The following TGM2 variants were observed in gnomAD, a reference collection of about 807,000 sequenced individuals.
The protein encoded by TGM2 is protein-glutamine gamma-glutamyltransferase 2.
A neutral mutation model predicts 75.6 loss-of-function variants in TGM2; 53 were observed. The observed-to-expected ratio is 0.70, with a 90% CI of 0.56 to 0.88. The LOEUF is 0.88. Ranked by LOEUF, TGM2 falls within the 40% of genes least tolerant of loss-of-function variation. The probability of loss-of-function intolerance (pLI) is 0.00; values close to 1 mark genes in which losing one functional copy is unlikely to be tolerated. For missense variants in TGM2, 842 were observed against 928.5 expected (o/e 0.91, Z 1.21); for synonymous variants, 374 against 381.1 (o/e 0.98, Z 0.22).
At position 38,127,958 on chromosome 20, in the gene TGM2, C is replaced by G. The variant is rs75112909; in HGVS notation, c.*2261G>C. The G allele has an allele frequency of 3.9e-5, 6 of 152,010 alleles. No homozygotes were observed. Among genetic ancestry groups the G allele is most frequent in the Non-Finnish European group, 7.4e-5 (5 of 68,010 alleles). 9.4% of individuals were successfully genotyped at this position (152,010 alleles called of 1,614,324 possible). A position where few individuals can be genotyped will look rare whatever the true frequency, so the allele number is the denominator to read the frequency against. ...CATTTATTAGTGTATTTAAGAGATA[C>G]GTGGTCCCTGCCTCGAGGGCTTCAG... On this transcript the variant is annotated 3_prime_UTR_variant, in exon 13 of 13. Coordinates refer to ENST00000361475, the MANE Select transcript of TGM2 (RefSeq NM_004613.4).
At chr20:38,132,876 G>A (rs960440537) in intron 10 of TGM2, 1 of 460,586 alleles carries the variant, frequency 2.2e-6, no homozygotes, top group African/African-American at 2.0e-5. Context: ...GGAAGAGCCT[G>A]GTGCGCTCGG....
At chr20:38,161,746 C>CCCCGTGTGACCAGGG in intron 1 of TGM2, 147 bp from the exon 2 acceptor site, 1 of 937,056 alleles carries the variant, frequency 1.1e-6, no homozygotes, top group Non-Finnish European at 1.7e-6. Flanking sequence ...TCTCCCCAGC[C>CCCCGTGTGACCAGGG]CTGGTCACAC....
intron 1 of TGM2, among the ~76,000 whole-genome samples, chr20:38,164,503 A>T (rs763463719): frequency 6.6e-6 from 1 of 152,204 alleles, no homozygotes; most frequent in Non-Finnish European, 1.5e-5. Flanking sequence ...CGTTCCTCAC[A>T]GATGCACCAA....
At chr20:38,152,350 A>T (rs2268911) in intron 3 of TGM2, among the ~76,000 whole-genome samples, 20,211 of 152,196 alleles carry the variant, frequency 0.13, 1,690 homozygotes, top group East Asian at 0.44. Context: ...AATGGGAAAG[A>T]GGCCAAGTCT....
intron 9 of TGM2, among the ~76,000 whole-genome samples, chr20:38,138,671 G>A (rs1428315963): frequency 6.6e-6 from 1 of 152,176 alleles, no homozygotes; most frequent in Non-Finnish European, 1.5e-5. Flanking sequence ...ACCTTCTTGA[G>A]CTGCTCGAGG....
chr20:38,156,543 T>C (rs1267084997), intron 2 of TGM2, among the ~76,000 whole-genome samples: 2 of 152,242 alleles, frequency 1.3e-5, no homozygotes, highest in African/African-American at 4.8e-5. Flanking sequence ...TCCCGCTTTT[T>C]CTCTCAGAGA....
chr20:38,146,513 A>G (rs1682020578), intron 6 of TGM2: 1 of 706,622 alleles, frequency 1.4e-6, no homozygotes, highest in African/African-American at 1.7e-5. Context: ...CTCTCCAATG[A>G]TAGCCCTTGA....
chr20:38,134,935 G>T (rs973244093), intron 10 of TGM2, among the ~76,000 whole-genome samples: 2 of 152,156 alleles, frequency 1.3e-5, no homozygotes, highest in African/African-American at 4.8e-5. Flanking sequence ...TTCCAACAGG[G>T]GACTTGGACC....
chr20:38,162,576 T>G (rs1423485114), intron 1 of TGM2, among the ~76,000 whole-genome samples: 1 of 152,262 alleles, frequency 6.6e-6, no homozygotes, highest in African/African-American at 2.4e-5. Context: ...CCCGTTGTGA[T>G]GTATTGATCT....
At chr20:38,139,825 G>A (rs1191824822) in intron 8 of TGM2, among the ~76,000 whole-genome samples, 171 bp from the exon 9 acceptor site, 1 of 152,134 alleles carries the variant, frequency 6.6e-6, no homozygotes, top group Non-Finnish European at 1.5e-5. Context: ...TCAGAATAGG[G>A]GCTCTGGAGC....
chr20:38,164,155 C>T (rs74806872), intron 1 of TGM2, among the ~76,000 whole-genome samples: 3,746 of 152,252 alleles, frequency 0.025, 153 homozygotes, highest in African/African-American at 0.084. Flanking sequence ...CAAGCGGCCA[C>T]CGAGGCGACA....
intron 1 of TGM2, among the ~76,000 whole-genome samples, chr20:38,163,919 G>A (rs1400533325): frequency 2.0e-5 from 3 of 152,136 alleles, no homozygotes; most frequent in African/African-American, 7.2e-5. Flanking sequence ...TCCGAAGAAG[G>A]GTTTCCAGAA....
At chr20:38,156,758 A>G (rs752344538) in intron 2 of TGM2, among the ~76,000 whole-genome samples, 7 of 152,072 alleles carry the variant, frequency 4.6e-5, no homozygotes, top group Non-Finnish European at 1.0e-4. Context: ...TTTACACTTC[A>G]TGAAGCACCT....
chr20:38,143,980 C>T (rs1224595346), intron 6 of TGM2, among the ~76,000 whole-genome samples: 1 of 152,164 alleles, frequency 6.6e-6, no homozygotes, highest in Admixed American at 6.5e-5. Context: ...GGTTTCTGTC[C>T]CCCTGAGGCC....
intron 11 of TGM2, 63 bp from the exon 12 acceptor site, chr20:38,131,292 C>G: frequency 6.2e-7 from 1 of 1,608,460 alleles, no homozygotes; most frequent in South Asian, 1.1e-5. Flanking sequence ...TGTCTGCATT[C>G]ACTGCAATTT....
Position 38,130,154 on chromosome 20 carries a change from C to A in TGM2, c.*65G>T. Reference sequence around the variant, plus strand: ...GGCCCAAGAAGGGGCATATTTTGCTCACTAGCTTGGGATAAGGATTGGGAT... The same window carrying A: ...GGCCCAAGAAGGGGCATATTTTGCTAACTAGCTTGGGATAAGGATTGGGAT... On this transcript the variant is annotated 3_prime_UTR_variant, in exon 13 of 13. Transcript: ENST00000361475. 1.2e-6 allele frequency: 2 copies of A among 1,603,638 alleles called. No individual in the cohort carries two copies. The highest frequency in any genetic ancestry group is 2.3e-5 in the South Asian group (2 of 88,766).
Position 38,142,094 on chromosome 20 carries a change from T to C in TGM2, c.965A>G (p.Glu322Gly). Residue 322 changes from glutamate to glycine, a missense_variant, in exon 7 of 13, where the codon GAG (glutamate) becomes GGG (glycine). Transcript: ENST00000361475. ...CATCTCGCTCTTGTCACCCTGGATC[T>C]CCCCAAACTCATTGCGGAAGTACTC... ...LIEYFRNEFG[E>G]IQGDKSEMIW... is the part of the protein sequence containing the mutation. 1 of 1,614,088 alleles carries C rather than the reference T, an allele frequency of 6.2e-7. No homozygotes were observed. The highest frequency in any genetic ancestry group is 1.1e-5 in the South Asian group (1 of 91,078).
rs1309462954 is a variant in TGM2 at position 38,141,393 on chromosome 20, G to T, written c.996-8C>A. On this transcript the variant is annotated splice_region_variant and splice_polypyrimidine_tract_variant and intron_variant, in intron 7 of 12. Coordinates refer to ENST00000361475, the MANE Select transcript of TGM2 (RefSeq NM_004613.4). ...ACCCAGCAGTGGAAGTTCCTGAGGG[G>T]GATAGGGGGGCGGGAATGAAGCAGA... 1.9e-6 allele frequency: 3 copies of T among 1,565,226 alleles called. No individual in the cohort carries two copies. Among genetic ancestry groups the T allele is most frequent in the African/African-American group, 1.4e-5 (1 of 74,020 alleles).
At chr20:38,130,472 G>C (rs376690162) in intron 12 of TGM2, 103 bp from the exon 13 acceptor site, 3 of 1,308,796 alleles carry the variant, frequency 2.3e-6, no homozygotes, top group Non-Finnish European at 3.1e-6. Context: ...TCAGCACAGC[G>C]TGTCCATGAA....
Sources: allele counts gnomAD v4.1 joint callset (sites outside exome capture counted in the v4.1 genomes callset), GRCh38; gene constraint gnomAD v4.1.1; transcripts MANE v1.5; gene names NCBI Gene and HGNC (gene_info 2026-07-23, HGNC 2026-07-21).